Variants in ULK4 observed in about 807,000 individuals in gnomAD.
The protein encoded by ULK4 is unc-51 like kinase 4.
In ULK4, 133 loss-of-function variants were observed where a neutral mutation model predicts 160.6. That is an observed-to-expected ratio of 0.83 (90% confidence interval 0.72 to 0.96). ULK4 has a LOEUF of 0.96. Among genes scored for constraint, ULK4 ranks in the 40% least tolerant of loss-of-function variants. The pLI is 0.00. For missense variants in ULK4, 1,580 were observed against 1,499.5 expected (o/e 1.05, Z -0.89); for synonymous variants, 534 against 539.8 (o/e 0.99, Z 0.15).
At chr3:41,768,528 G>GCC (rs1286964992) in intron 21 of ULK4, among the ~76,000 whole-genome samples, 2 of 152,138 alleles carry the variant, frequency 1.3e-5, no homozygotes, top group Non-Finnish European at 2.9e-5. Flanking sequence ...AGCCCAAACA[G>GCC]CCTGTAGAGG....
At chr3:41,948,620 T>C (rs1264496814) in intron 2 of ULK4, among the ~76,000 whole-genome samples, 1 of 151,596 alleles carries the variant, frequency 6.6e-6, no homozygotes, top group East Asian at 1.9e-4. Context: ...CAAAAGATGG[T>C]TGAACATACG....
At chr3:41,424,618 G>A (rs1275328520) in intron 34 of ULK4, among the ~76,000 whole-genome samples, 1 of 152,170 alleles carries the variant, frequency 6.6e-6, no homozygotes, top group Admixed American at 6.5e-5. Context: ...ACCTCCAGGT[G>A]TGGGAGGGAC....
chr3:41,611,448 G>T (rs1168794822), intron 31 of ULK4, among the ~76,000 whole-genome samples: 1 of 152,170 alleles, frequency 6.6e-6, no homozygotes, highest in Non-Finnish European at 1.5e-5. Context: ...CCCACTCTCT[G>T]CCCTGAATGT....
At chr3:41,433,753 T>C (rs1053712223) in intron 34 of ULK4, among the ~76,000 whole-genome samples, 1 of 152,194 alleles carries the variant, frequency 6.6e-6, no homozygotes. Flanking sequence ...GGAGTCTCGC[T>C]CTGTCGCCCA....
At chr3:41,793,238 TC>T (rs2125595647) in intron 20 of ULK4, among the ~76,000 whole-genome samples, 1 of 152,206 alleles carries the variant, frequency 6.6e-6, no homozygotes, top group South Asian at 2.1e-4. Context: ...AAAAAACTGT[TC>T]CAGTTCAAAA....
At chr3:41,452,682 A>T (rs938375820) in intron 34 of ULK4, among the ~76,000 whole-genome samples, 1 of 152,080 alleles carries the variant, frequency 6.6e-6, no homozygotes, top group African/African-American at 2.4e-5. Flanking sequence ...ATTTTTGTCC[A>T]TTTATGTGTT....
At chr3:41,954,591 T>TC in intron 2 of ULK4, 31 bp downstream of exon 2, 1 of 1,597,374 alleles carries the variant, frequency 6.3e-7, no homozygotes, top group East Asian at 2.2e-5. Context: ...GCTCTCTCTT[T>TC]CCCCATGCCA....
intron 32 of ULK4, among the ~76,000 whole-genome samples, chr3:41,542,431 T>C (rs1444822267): frequency 6.6e-6 from 1 of 152,254 alleles, no homozygotes; most frequent in Non-Finnish European, 1.5e-5. Context: ...GGTTTGCCAG[T>C]ATTTTATTGA....
At chr3:41,721,521 C>G (rs1171352175) in intron 22 of ULK4, among the ~76,000 whole-genome samples, 4 of 150,610 alleles carry the variant, frequency 2.7e-5, no homozygotes, top group African/African-American at 9.8e-5. Flanking sequence ...GCACCTGCCA[C>G]CACGCACAGC....
chr3:41,271,145 C>T (rs183676749), intron 35 of ULK4, among the ~76,000 whole-genome samples: 3 of 152,092 alleles, frequency 2.0e-5, no homozygotes, highest in East Asian at 3.9e-4. Context: ...ATTGTGAAAC[C>T]AACACCACAT....
chr3:41,503,772 T>C (rs2085288975), intron 32 of ULK4, among the ~76,000 whole-genome samples: 1 of 152,180 alleles, frequency 6.6e-6, no homozygotes, highest in Non-Finnish European at 1.5e-5. Flanking sequence ...AATTTCAATG[T>C]CCTAAAATGA....
intron 31 of ULK4, among the ~76,000 whole-genome samples, chr3:41,594,169 T>A (rs1031978028): frequency 7.9e-5 from 12 of 152,310 alleles, no homozygotes; most frequent in Middle Eastern, 3.4e-3. Flanking sequence ...ATAGAACATA[T>A]AATTTTAAAT....
chr3:41,545,109 A>G (rs990885445), intron 32 of ULK4, among the ~76,000 whole-genome samples: 6 of 152,144 alleles, frequency 3.9e-5, no homozygotes, highest in African/African-American at 1.4e-4. Flanking sequence ...TGTGCGGCAG[A>G]TTTGTGGAGG....
intron 32 of ULK4, among the ~76,000 whole-genome samples, chr3:41,542,510 G>T (rs535500950): frequency 1.3e-5 from 2 of 152,098 alleles, no homozygotes; most frequent in Admixed American, 1.3e-4. Context: ...GCCAGGTTTT[G>T]GTATCAGGAT....
chr3:41,807,451 C>T (rs1022063649), intron 19 of ULK4, among the ~76,000 whole-genome samples: 12 of 152,022 alleles, frequency 7.9e-5, no homozygotes, highest in African/African-American at 1.9e-4. Context: ...TTTACAAATG[C>T]GCAGAAGATA....
At chr3:41,776,619 T>G (rs936586677) in intron 21 of ULK4, among the ~76,000 whole-genome samples, 1 of 113,888 alleles carries the variant, frequency 8.8e-6, no homozygotes, top group Non-Finnish European at 2.0e-5. Flanking sequence ...TTATTGAAAG[T>G]TTTTAGCATG....
chr3:41,475,962 G>A (rs2084128781), intron 32 of ULK4, among the ~76,000 whole-genome samples: 1 of 150,826 alleles, frequency 6.6e-6, no homozygotes, highest in East Asian at 2.0e-4. Flanking sequence ...AAAGGATGGA[G>A]GGAAAGAGGG....
chr3:41,692,108 C>A (rs1204772270), intron 27 of ULK4, among the ~76,000 whole-genome samples: 2 of 151,270 alleles, frequency 1.3e-5, no homozygotes, highest in African/African-American at 4.8e-5. Context: ...CCCACCACCG[C>A]CCCCGGCTAA....
chr3:41,731,684 A>G (rs889110451), intron 22 of ULK4, among the ~76,000 whole-genome samples: 11 of 151,844 alleles, frequency 7.2e-5, no homozygotes, highest in African/African-American at 1.4e-4. Flanking sequence ...GGGAAAAAAA[A>G]AAAAAAAGAA....
Sources: allele counts gnomAD v4.1 joint callset (sites outside exome capture counted in the v4.1 genomes callset), GRCh38; gene constraint gnomAD v4.1.1; transcripts MANE v1.5; gene names NCBI Gene and HGNC (gene_info 2026-07-23, HGNC 2026-07-21).